The following TNN variants were observed in gnomAD, a reference collection of about 807,000 sequenced individuals.
The protein encoded by TNN is tenascin-N.
A neutral mutation model predicts 134.4 loss-of-function variants in TNN; 122 were observed. The ratio of observed to expected loss-of-function variants is 0.91; its 90% CI spans 0.78 to 1.06. The LOEUF (loss-of-function observed/expected upper bound fraction) is 1.06. TNN is among the 50% of genes least tolerant of loss of function. The pLI is 0.00. For synonymous variants in TNN, 710 were observed against 670.3 expected, an observed-to-expected ratio of 1.06 and a Z score of -0.91; for missense variants, 1,739 against 1,699.4, an observed-to-expected ratio of 1.02 and a Z score of -0.41.
intron 14 of TNN, 48 bp downstream of exon 14, chr1:175,128,212 A>T: frequency 6.6e-7 from 1 of 1,525,338 alleles, no homozygotes; most frequent in Non-Finnish European, 8.8e-7. Context: ...GAGAACCAGC[A>T]CCGGAAAGCC....
At chr1:175,082,462 AG>A (rs1226195099) in intron 4 of TNN, among the ~76,000 whole-genome samples, 5 of 152,172 alleles carry the variant, frequency 3.3e-5, no homozygotes, top group Non-Finnish European at 5.9e-5. Context: ...TACACCATGT[AG>A]GAACTCTTAT....
At chr1:175,135,566 C>A (rs1272977233) in intron 15 of TNN, among the ~76,000 whole-genome samples, 14 of 152,208 alleles carry the variant, frequency 9.2e-5, no homozygotes, top group Admixed American at 9.2e-4. Context: ...ACACTAGCAA[C>A]TGAATCACAC....
At position 175,117,116 on chromosome 1, in the gene TNN, G is replaced by A. The variant is rs150139735; in HGVS notation, c.2297G>A (p.Gly766Asp). Reference sequence around the variant, plus strand: ...GAGCAGAGTAGCACTGTCCTGACGGGCCTGAGGCCGGGTGTGGAGTACACG... The same window carrying A: ...GAGCAGAGTAGCACTGTCCTGACGGACCTGAGGCCGGGTGTGGAGTACACG... ...GKEQSSTVLT[G>D]LRPGVEYTVH... Residue 766 changes from glycine (G) to aspartate (D), a missense_variant, in exon 10 of 19, where the codon GGC becomes GAC. Transcript: ENST00000239462. 2.2e-4 allele frequency: 348 copies of A among 1,614,260 alleles called. No individual in the cohort carries two copies. In the African/African-American group the frequency reaches 3.9e-3, roughly 18 times the overall value.
intron 15 of TNN, among the ~76,000 whole-genome samples, chr1:175,130,005 C>A (rs993764704): frequency 1.3e-5 from 2 of 152,244 alleles, no homozygotes; most frequent in African/African-American, 4.8e-5. Context: ...GCCTAAACCA[C>A]ATGGCAGCTT....
At chr1:175,139,118 CTG>C (rs1372452090) in intron 17 of TNN, among the ~76,000 whole-genome samples, 2 of 152,210 alleles carry the variant, frequency 1.3e-5, no homozygotes, top group Non-Finnish European at 2.9e-5. Flanking sequence ...CAGGACAGGA[CTG>C]TGCACTCCTG....
chr1:175,136,055 G>A, intron 16 of TNN, 114 bp downstream of exon 16: 1 of 742,040 alleles, frequency 1.3e-6, no homozygotes. Flanking sequence ...CCAGTGGCAG[G>A]GAGACAGAGG....
At chr1:175,120,341 A>G (rs1373040662) in intron 11 of TNN, among the ~76,000 whole-genome samples, 2 of 152,238 alleles carry the variant, frequency 1.3e-5, no homozygotes, top group East Asian at 1.9e-4. Flanking sequence ...GGTATAGAGA[A>G]TTACAGGGTA....
intron 6 of TNN, among the ~76,000 whole-genome samples, chr1:175,091,565 TTA>T (rs1558353509): frequency 0.097 from 13,794 of 141,838 alleles, 667 homozygotes; most frequent in African/African-American, 0.13. Flanking sequence ...TTATTTTTAT[TTA>T]TTTATTTATT....
chr1:175,077,046 A>G (rs1287917813), intron 1 of TNN, among the ~76,000 whole-genome samples: 2 of 152,200 alleles, frequency 1.3e-5, no homozygotes, highest in South Asian at 2.1e-4. Context: ...CGTTGCTGTA[A>G]AGATCCAGAA....
Position 175,141,206 on chromosome 1 carries a change from G to T in TNN, c.3596-3181G>T, listed in dbSNP as rs139367397. ...TCTGATTCTGAGTCTTCTAGTGGGG[G>T]CAGGGAGGCTATCTTATGAGCTCCA... On this transcript the variant is annotated intron_variant, in intron 17 of 18. Transcript: ENST00000239462. Among the ~76,000 whole-genome samples the T allele has an allele frequency of 3.3e-5, 5 of 152,330 alleles. No homozygotes were observed. The East Asian group carries it at 7.7e-4, about 23-fold the overall frequency.
chr1:175,082,707 A>G (rs6425317), intron 4 of TNN, among the ~76,000 whole-genome samples: 107,514 of 152,006 alleles, frequency 0.71, 38,804 homozygotes, highest in African/African-American at 0.86. Context: ...CTAATTCTCG[A>G]TCCTTCATCA....
Position 175,083,819 on chromosome 1 carries a change from AC to A in TNN, c.1122del (p.Ser375GlnfsTer14), listed in dbSNP as rs1674256790. 1 of 1,613,722 alleles carries A rather than the reference AC, an allele frequency of 6.2e-7. No homozygotes were observed. The highest frequency in any genetic ancestry group is 1.3e-5 in the African/African-American group (1 of 74,764). ...AACTCCCTTGACGTGGAGTGGGAAA[AC>A]CCCTCAACTGAGGTGGACTACTACA... ...TENSLDVEWE[N>X]PSTEVDYYKL... On this transcript the variant is annotated frameshift_variant, in exon 5 of 19. Transcript: ENST00000239462. LOFTEE classifies it high-confidence loss of function.
At chr1:175,145,575 AGC>A in intron 18 of TNN, among the ~76,000 whole-genome samples, 8 of 148,970 alleles carry the variant, frequency 5.4e-5, no homozygotes, top group African/African-American at 7.4e-5. Context: ...AAAAAAAAAA[AGC>A]TGTCTCAAGT....
intron 9 of TNN, among the ~76,000 whole-genome samples, chr1:175,105,986 C>T (rs1463147950): frequency 4.8e-5 from 7 of 145,736 alleles, no homozygotes; most frequent in Middle Eastern, 3.2e-3. Flanking sequence ...CGCTCACCGA[C>T]GCAGCAGCAG....
rs895171786 is a variant in TNN at position 175,107,008 on chromosome 1, C to T, written c.2119+8413C>T. 6.2e-5 allele frequency among the ~76,000 whole-genome samples: 9 copies of T among 145,888 alleles called. 1 individual carries two copies. The highest frequency in any genetic ancestry group is 2.0e-4 in the African/African-American group (8 of 40,516). On this transcript the variant is annotated intron_variant, in intron 9 of 18. Transcript: ENST00000239462. The stretch of plus-strand genomic sequence containing the variant: ...GACAGAATAGCAAGTGAAAGGGGTC[C>T]GATGGTACTCACTGCTTGGCGATTG...
In TNN at chr1:175,117,186, T is replaced by C; in HGVS notation, c.2367T>C (p.Ala789=). The C allele has an allele frequency of 1.2e-6, 2 of 1,614,238 alleles. No homozygotes were observed. Among genetic ancestry groups the C allele is most frequent in the Non-Finnish European group, 1.7e-6 (2 of 1,180,034 alleles). Residue 789 remains alanine, a synonymous_variant, in exon 10 of 19, where the codon GCT becomes GCC. Transcript: ENST00000239462. ...AGGGGGCCCAGGAGAGCAAGAAGGC[T>C]GACACCAAGGCCCAGACAGGTAAGG... The part of the protein sequence containing the change: ...AQKGAQESKK[A]DTKAQTDIDS...
At chr1:175,141,418 G>A (rs376832960) in intron 17 of TNN, among the ~76,000 whole-genome samples, 3 of 152,100 alleles carry the variant, frequency 2.0e-5, no homozygotes, top group South Asian at 2.1e-4. Context: ...TTGGAAATGT[G>A]ACTGGGGAGC....
At chr1:175,146,535 T>C (rs1676070943) in intron 18 of TNN, among the ~76,000 whole-genome samples, 1 of 152,196 alleles carries the variant, frequency 6.6e-6, no homozygotes, top group South Asian at 2.1e-4. Flanking sequence ...ATTAATATGT[T>C]TATTTTTGCC....
intron 13 of TNN, 27 bp downstream of exon 13, chr1:175,127,112 T>C (rs772427803): frequency 1.2e-6 from 2 of 1,606,686 alleles, no homozygotes; most frequent in Non-Finnish European, 1.7e-6. Flanking sequence ...TCTTTTCTCC[T>C]GGTGCCTTCT....
Sources: gnomAD v4.1 joint callset for allele counts (sites outside exome capture counted in the v4.1 genomes callset) on GRCh38, gnomAD v4.1.1 for gene constraint, MANE v1.5 for transcripts, NCBI Gene and HGNC (gene_info 2026-07-23, HGNC 2026-07-21) for gene names.